CNBD1: variants seen among roughly 807,000 people sequenced by gnomAD.
CNBD1 encodes cyclic nucleotide binding domain containing 1.
Under a neutral mutation model 54.4 loss-of-function variants are expected in CNBD1, and 71 were observed. That is an observed-to-expected ratio of 1.30 (90% CI 1.08 to 1.59). The LOEUF is 1.59. Among genes scored for constraint, CNBD1 ranks in the 40% most tolerant of loss-of-function variants. CNBD1 has a pLI of 0.00. For missense variants in CNBD1, 659 were observed against 518.0 expected, an observed-to-expected ratio of 1.27 and a Z score of -2.64; for synonymous variants, 182 against 170.7, an observed-to-expected ratio of 1.07 and a Z score of -0.51.
intron 6 of CNBD1, among the ~76,000 whole-genome samples, chr8:87,261,921 A>C (rs959258595): frequency 2.0e-5 from 3 of 151,442 alleles, no homozygotes; most frequent in African/African-American, 7.3e-5. Flanking sequence ...TGAGGCAGGG[A>C]GATTGCTTGA....
intron 4 of CNBD1, among the ~76,000 whole-genome samples, chr8:87,083,959 A>C (rs1405496473): frequency 6.6e-6 from 1 of 152,158 alleles, no homozygotes; most frequent in East Asian, 1.9e-4. Context: ...AACAACCTGC[A>C]TCCTGACCAC....
intron 2 of CNBD1, among the ~76,000 whole-genome samples, chr8:87,428,195 T>C (rs572908194): frequency 6.0e-4 from 90 of 150,148 alleles, no homozygotes; most frequent in African/African-American, 2.1e-3. Context: ...AAAACCCAAA[T>C]ATCTAGTGTT....
chr8:87,344,556 TTAAA>T (rs1388298825), intron 8 of CNBD1, among the ~76,000 whole-genome samples: 1 of 152,102 alleles, frequency 6.6e-6, no homozygotes, highest in African/African-American at 2.4e-5. Context: ...TCATTTGAGT[TTAAA>T]TAACCAAGAT....
rs552303783 is a variant in CNBD1 at position 87,257,627 on chromosome 8, A to G, written c.771+20515A>G. ...GAAGCTTTAAGGACTCAGGAAGGAC[A>G]AGGCAGCCATCCTGGTTCTCCGTGA... is the stretch of plus-strand genomic sequence containing the variant. On this transcript the variant is annotated intron_variant, in intron 6 of 10. Coordinates refer to ENST00000518476, the MANE Select transcript of CNBD1 (RefSeq NM_173538.3). Among the ~76,000 whole-genome samples, 55 of 152,288 alleles carry G rather than the reference A, an allele frequency of 3.6e-4. 1 individual carries two copies. Among genetic ancestry groups the G allele is most frequent in the African/African-American group, 1.3e-3 (52 of 41,574 alleles).
At chr8:87,141,838 C>T (rs2915529) in intron 4 of CNBD1, among the ~76,000 whole-genome samples, 150,960 of 152,216 alleles carry the variant, frequency 0.99, 74,862 homozygotes, top group East Asian at 1. Flanking sequence ...AACAATCTCT[C>T]TTAAAATTTT....
chr8:87,308,877 TACCG>T (rs923518115), intron 8 of CNBD1, among the ~76,000 whole-genome samples: 1 of 152,170 alleles, frequency 6.6e-6, no homozygotes, highest in African/African-American at 2.4e-5. Flanking sequence ...TCATTTAATA[TACCG>T]ACCTCTAATT....
At chr8:87,255,186 CAA>C (rs34613204) in intron 6 of CNBD1, among the ~76,000 whole-genome samples, 1 of 150,878 alleles carries the variant, frequency 6.6e-6, no homozygotes. Context: ...TATGGATTTG[CAA>C]AAAAAAGTCG....
chr8:87,199,508 T>C (rs1320870390), intron 4 of CNBD1, among the ~76,000 whole-genome samples: 1 of 152,222 alleles, frequency 6.6e-6, no homozygotes, highest in Non-Finnish European at 1.5e-5. Flanking sequence ...TTTCTTCTTA[T>C]GTTCTTTATT....
intron 2 of CNBD1, among the ~76,000 whole-genome samples, chr8:87,394,208 C>A (rs1447627261): frequency 2.0e-5 from 3 of 151,820 alleles, no homozygotes; most frequent in Admixed American, 2.0e-4. Context: ...GCATTACAAC[C>A]TGCTTAGTGA....
At chr8:86,929,983 G>A (rs1809429126) in intron 3 of CNBD1, among the ~76,000 whole-genome samples, 1 of 152,282 alleles carries the variant, frequency 6.6e-6, no homozygotes, top group Middle Eastern at 3.4e-3. Context: ...TGTCCTGTGG[G>A]AAGGCTTAAG....
intron 4 of CNBD1, among the ~76,000 whole-genome samples, chr8:87,048,158 A>G (rs1810238522): frequency 1.3e-5 from 2 of 152,182 alleles, no homozygotes; most frequent in South Asian, 2.1e-4. Flanking sequence ...AAAGAGAGGG[A>G]AGAGTCTTCA....
chr8:87,340,197 T>G (rs1810036854), intron 8 of CNBD1, among the ~76,000 whole-genome samples: 1 of 152,206 alleles, frequency 6.6e-6, no homozygotes, highest in Admixed American at 6.5e-5. Flanking sequence ...ATTGAATATG[T>G]TATATCTTCT....
chr8:87,014,275 GTTT>G (rs58073603), intron 4 of CNBD1, among the ~76,000 whole-genome samples: 1 of 146,736 alleles, frequency 6.8e-6, no homozygotes. Context: ...ATTGTTAGCA[GTTT>G]TTTTTTTTTG....
At chr8:87,218,941 G>C (rs1188862161) in intron 5 of CNBD1, among the ~76,000 whole-genome samples, 1 of 151,742 alleles carries the variant, frequency 6.6e-6, no homozygotes, top group Non-Finnish European at 1.5e-5. Flanking sequence ...ATGCTCACAA[G>C]ATAAATCCTT....
chr8:87,315,928 A>T (rs1321076187), intron 8 of CNBD1, among the ~76,000 whole-genome samples: 1 of 152,038 alleles, frequency 6.6e-6, no homozygotes, highest in Non-Finnish European at 1.5e-5. Context: ...TTTGATCATT[A>T]CACAATTTAT....
At chr8:87,347,049 C>T (rs1344881939) in intron 8 of CNBD1, among the ~76,000 whole-genome samples, 1 of 152,106 alleles carries the variant, frequency 6.6e-6, no homozygotes, top group Non-Finnish European at 1.5e-5. Context: ...GAGTATTGCT[C>T]TTTGGGGGCT....
intron 6 of CNBD1, among the ~76,000 whole-genome samples, chr8:87,253,487 G>A (rs915744250): frequency 6.6e-6 from 1 of 152,136 alleles, no homozygotes; most frequent in African/African-American, 2.4e-5. Context: ...AGGCCTGCAG[G>A]AGGTGCCTGT....
At chr8:86,878,080 C>CTGTGTGTGTGTG (rs145093111) in intron 1 of CNBD1, among the ~76,000 whole-genome samples, 4,380 of 135,758 alleles carry the variant, frequency 0.032, 232 homozygotes, top group African/African-American at 0.1. Flanking sequence ...TTCATCAAAG[C>CTGTGTGTGTGTG]TGTGTGTGTG....
intron 3 of CNBD1, among the ~76,000 whole-genome samples, chr8:86,906,224 G>A (rs1258743362): frequency 6.6e-6 from 1 of 152,118 alleles, no homozygotes; most frequent in African/African-American, 2.4e-5. Flanking sequence ...TAACAAATAT[G>A]TCTCCAGGGG....
Sources: allele counts gnomAD v4.1 joint callset (sites outside exome capture counted in the v4.1 genomes callset), GRCh38; gene constraint gnomAD v4.1.1; transcripts MANE v1.5; gene names NCBI Gene and HGNC (gene_info 2026-07-23, HGNC 2026-07-21).